The following TNMD variants were observed in gnomAD, a reference collection of about 807,000 sequenced individuals.
TNMD encodes BRICHOS domain containing 4.
Under a neutral mutation model 26.9 loss-of-function variants are expected in TNMD, and 15 were observed. The ratio of observed to expected loss-of-function variants is 0.56; its 90% confidence interval spans 0.37 to 0.86. The LOEUF is 0.86. Among genes scored for constraint, TNMD ranks in the 40% least tolerant of loss-of-function variants. TNMD has a pLI of 0.00. For synonymous variants in TNMD, 73 were observed against 77.0 expected, an observed-to-expected ratio of 0.95 and a Z score of 0.27; for missense variants, 222 against 242.6, an observed-to-expected ratio of 0.92 and a Z score of 0.56.
intron 2 of TNMD, among the ~76,000 whole-genome samples, chrX:100,588,305 GAC>G (rs772320493): frequency 1.2e-3 from 123 of 106,325 alleles, no homozygotes; most frequent in African/African-American, 4.0e-3. Context: ...CACACACACA[GAC>G]ACACACACAC....
intron 3 of TNMD, 100 bp from the exon 4 acceptor site, chrX:100,594,161 T>C: frequency 1.0e-6 from 1 of 954,249 alleles, no homozygotes; most frequent in Non-Finnish European, 1.4e-6. Context: ...AGCTTTCCAT[T>C]TGAATTCAAA....
chrX:100,595,361 C>T (rs756156847), intron 4 of TNMD, among the ~76,000 whole-genome samples: 4 of 110,746 alleles, frequency 3.6e-5, no homozygotes, highest in African/African-American at 1.3e-4. Flanking sequence ...ATGATCCGCC[C>T]GCCTAGGCCT....
rs139469428 is a variant in TNMD, at chrX:100,589,560, C to G, written c.180+4198C>G. Among the ~76,000 whole-genome samples the G allele has an allele frequency of 7.7e-3, 849 of 110,385 alleles. 9 individuals are homozygous for G. Among genetic ancestry groups the G allele is most frequent in the African/African-American group, 0.026 (797 of 30,341 alleles). On this transcript the variant is annotated intron_variant, in intron 2 of 6. Transcript: ENST00000373031. ...AGTCAGTCTCTTCATTCTCCTAAGG[C>G]AGCATTTGCTGAACAACTTATATGA...
At chrX:100,587,944 TCTGTGGCC>T in intron 2 of TNMD, among the ~76,000 whole-genome samples, 1 of 111,737 alleles carries the variant, frequency 8.9e-6, no homozygotes, top group Middle Eastern at 4.6e-3. Flanking sequence ...TTGTTGGGAC[TCTGTGGCC>T]CTTGGTAGAG....
intron 2 of TNMD, among the ~76,000 whole-genome samples, chrX:100,589,691 A>T (rs1276783486): frequency 8.9e-6 from 1 of 111,785 alleles, no homozygotes; most frequent in African/African-American, 3.3e-5. Context: ...AGATAGTGGC[A>T]GTAGGCGTAG....
intron 2 of TNMD, among the ~76,000 whole-genome samples, chrX:100,586,465 C>T (rs2082922349): frequency 9.0e-6 from 1 of 110,883 alleles, no homozygotes; most frequent in Non-Finnish European, 1.9e-5. Context: ...GAGAGAGAGG[C>T]AGAGCAGGAA....
intron 2 of TNMD, among the ~76,000 whole-genome samples, chrX:100,591,672 C>T (rs1358436938): frequency 9.0e-6 from 1 of 111,529 alleles, no homozygotes; most frequent in Non-Finnish European, 1.9e-5. Context: ...CTCCTACCCC[C>T]TACCAAGGAT....
intron 4 of TNMD, among the ~76,000 whole-genome samples, chrX:100,595,562 T>C (rs1373444710): frequency 9.0e-6 from 1 of 110,759 alleles, no homozygotes; most frequent in Non-Finnish European, 1.9e-5. Context: ...CCTTTACCTT[T>C]TTCTTTACCT....
intron 2 of TNMD, 62 bp downstream of exon 2, chrX:100,585,424 A>T (rs1186161714): frequency 1.8e-5 from 18 of 1,021,800 alleles, no homozygotes; most frequent in African/African-American, 3.8e-5. Context: ...TTTAATTAGT[A>T]GGCATATAAA....
chrX:100,598,897 AATG>A (rs1452064275), intron 5 of TNMD, 116 bp from the exon 6 acceptor site: 1 of 572,058 alleles, frequency 1.7e-6, no homozygotes, highest in Non-Finnish European at 2.6e-6. Context: ...TCCATGCCTA[AATG>A]ATGCCAGTTA....
At chrX:100,592,807 G>A (rs2082941568) in intron 2 of TNMD, among the ~76,000 whole-genome samples, 1 of 112,179 alleles carries the variant, frequency 8.9e-6, no homozygotes, top group Admixed American at 9.4e-5. Flanking sequence ...CGTATCATTA[G>A]AAAGCAATGT....
Position 100,585,302 on chromosome X carries a change from C to T in TNMD, c.120C>T (p.Ala40=), listed in dbSNP as rs772000274. Reference sequence around the variant, plus strand: ...GTGGACTGGTGTTTGGTATCCTGGCCCTAACTCTAATTGTCCTGTTTTGGG... The same window carrying T: ...GTGGACTGGTGTTTGGTATCCTGGCTCTAACTCTAATTGTCCTGTTTTGGG... ...KICGLVFGIL[A]LTLIVLFWGS... The change falls in exon 2 of 7, where the codon GCC becomes GCT. Residue 40 remains alanine, a synonymous_variant. Transcript: ENST00000373031. The T allele has an allele frequency of 2.5e-6, 3 of 1,210,649 alleles. No individual in the cohort carries two copies. Among genetic ancestry groups the T allele is most frequent in the East Asian group, 3.0e-5 (1 of 33,828 alleles).
At chrX:100,596,290 C>T (rs1481461662) in intron 4 of TNMD, among the ~76,000 whole-genome samples, 13 of 111,924 alleles carry the variant, frequency 1.2e-4, no homozygotes, top group African/African-American at 3.9e-4. Context: ...GCCGAGTTTG[C>T]GCCACTGCAC....
At chrX:100,599,463 G>A (rs751753839) in intron 6 of TNMD, 45 bp from the exon 7 acceptor site, 76 of 1,111,460 alleles carry the variant, frequency 6.8e-5, no homozygotes, top group Non-Finnish European at 9.3e-5. Flanking sequence ...TCTTGCTAGT[G>A]AACCTTCCTC....
intron 2 of TNMD, among the ~76,000 whole-genome samples, chrX:100,587,161 C>T (rs1007136533): frequency 8.9e-6 from 1 of 112,481 alleles, no homozygotes; most frequent in Non-Finnish European, 1.9e-5. Flanking sequence ...TTTGCCTCAA[C>T]GCAGCTATAA....
At chrX:100,587,980 T>C (rs138784729) in intron 2 of TNMD, among the ~76,000 whole-genome samples, 6 of 111,981 alleles carry the variant, frequency 5.4e-5, no homozygotes, top group African/African-American at 1.9e-4. Context: ...TGCATGCAAC[T>C]GTGCTTATTG....
At position 100,593,975 on chromosome X, in the gene TNMD, T is replaced by C. The variant is rs1272726580; in HGVS notation, c.261T>C (p.Thr87=). 26 of 1,208,411 alleles carry C rather than the reference T, an allele frequency of 2.2e-5. No homozygotes were observed. Among genetic ancestry groups the C allele is most frequent in the Non-Finnish European group, 2.8e-5 (25 of 894,314 alleles). ...TGGAAATTGATCCTGTGACCAGAAC[T>C]GAAATATTCAGAAGCGGAAATGGCA... The part of the protein sequence containing the change: ...IYMEIDPVTR[T]EIFRSGNGTD... Residue 87 remains threonine, a synonymous_variant, in exon 3 of 7, where the codon ACT becomes ACC. Coordinates refer to ENST00000373031, the MANE Select transcript of TNMD (RefSeq NM_022144.3).
intron 3 of TNMD, 107 bp downstream of exon 3, chrX:100,594,142 GCCTCCT>G (rs2082946222): frequency 2.1e-6 from 2 of 955,481 alleles, no homozygotes; most frequent in Non-Finnish European, 2.8e-6. Flanking sequence ...TGGAAAGCTA[GCCTCCT>G]CTAGCTTTCC....
At position 100,599,522 on chromosome X, in the gene TNMD, A is replaced by C. The variant is rs1226263875; in HGVS notation, c.759A>C (p.Ile253=). 1 of 1,208,379 alleles carries C rather than the reference A, an allele frequency of 8.3e-7. No homozygotes were observed. ...TCTTCTTTCAGACTGAAAATGGAAT[A>C]GAATTTGATCCCATGCTGGATGAGA... The part of the protein sequence containing the change: ...LPINDYTENG[I]EFDPMLDERG... Residue 253 remains isoleucine (I), a synonymous_variant, in exon 7 of 7, where the codon ATA becomes ATC. Coordinates refer to ENST00000373031, the MANE Select transcript of TNMD (RefSeq NM_022144.3).
Sources: allele counts gnomAD v4.1 joint callset (sites outside exome capture counted in the v4.1 genomes callset), GRCh38; gene constraint gnomAD v4.1.1; transcripts MANE v1.5; gene names NCBI Gene and HGNC (gene_info 2026-07-23, HGNC 2026-07-21).